SLC8A1: variants seen among roughly 807,000 people sequenced by gnomAD.
The protein encoded by SLC8A1 is sodium/calcium exchanger 1.
In SLC8A1, 18 loss-of-function variants were observed where a neutral mutation model predicts 68.3. That is an observed-to-expected ratio of 0.26 (90% CI 0.18 to 0.39). The LOEUF is 0.39. Ranked by LOEUF, SLC8A1 falls within the 10% of genes least tolerant of loss-of-function variation. SLC8A1 has a pLI of 1.00. For synonymous variants in SLC8A1, 475 were observed against 415.5 expected (o/e 1.14, Z -1.74); for missense variants, 985 against 1,156.7 (o/e 0.85, Z 2.15).
At chr2:40,184,903 A>C (rs1193178238) in intron 2 of SLC8A1, among the ~76,000 whole-genome samples, 4 of 87,600 alleles carry the variant, frequency 4.6e-5, no homozygotes, top group East Asian at 5.5e-4. Context: ...AAAAACAAAA[A>C]AAAAAAAAAA....
chr2:40,200,207 AATATATATATATTTTTTT>A lies in SLC8A1; in HGVS notation c.1809-22370_1809-22353del, dbSNP rs1558721595. Among the ~76,000 whole-genome samples, 64 of 9,288 alleles carry A rather than the reference AATATATATATATTTTTTT, an allele frequency of 6.9e-3. 9 individuals carry two copies. The highest frequency in any genetic ancestry group is 7.7e-3 in the Non-Finnish European group (43 of 5,606). 6.1% of individuals were successfully genotyped at this position (9,288 alleles called of 152,430 possible). ...ATATATATATTTATATATATATATA[AATATATATATATTTTTTT>A]ATATATATATATAAATATATATATA... On this transcript the variant is annotated intron_variant, in intron 2 of 7. Transcript: ENST00000406785.
intron 1 of SLC8A1, among the ~76,000 whole-genome samples, chr2:40,506,879 C>A (rs1346538860): frequency 6.6e-6 from 1 of 151,954 alleles, no homozygotes; most frequent in Non-Finnish European, 1.5e-5. Flanking sequence ...TTCCTCCGCA[C>A]ATGTCTGGTA....
intron 3 of SLC8A1, among the ~76,000 whole-genome samples, 175 bp from the exon 4 acceptor site, chr2:40,175,456 C>T (rs1029481299): frequency 1.3e-5 from 2 of 152,082 alleles, no homozygotes; most frequent in African/African-American, 4.8e-5. Context: ...TCTGAATAAA[C>T]AATCCCAACT....
exon 8 of SLC8A1, chr2:40,111,872 A>C (rs1287949865): frequency 6.6e-6 from 1 of 152,164 alleles, no homozygotes; most frequent in Non-Finnish European, 1.5e-5. Context: ...GCATGCTAAA[A>C]AGTTGTCTGA....
chr2:40,263,700 C>T (rs574783735), intron 2 of SLC8A1, among the ~76,000 whole-genome samples: 14 of 152,170 alleles, frequency 9.2e-5, no homozygotes, highest in South Asian at 8.3e-4. Context: ...ACACCTTATA[C>T]AAAAATTAAT....
At chr2:40,301,093 T>C (rs1321399440) in intron 2 of SLC8A1, among the ~76,000 whole-genome samples, 1 of 152,146 alleles carries the variant, frequency 6.6e-6, no homozygotes, top group Admixed American at 6.5e-5. Flanking sequence ...GGTCTTCAGC[T>C]TTGCATCTTG....
chr2:40,345,148 C>T (rs573806509), intron 2 of SLC8A1, among the ~76,000 whole-genome samples: 40 of 152,264 alleles, frequency 2.6e-4, no homozygotes, highest in South Asian at 4.1e-4. Context: ...ACTCTGCACA[C>T]GGTGGTTGCT....
intron 2 of SLC8A1, among the ~76,000 whole-genome samples, chr2:40,376,979 G>A (rs1458123886): frequency 6.6e-6 from 1 of 151,984 alleles, no homozygotes; most frequent in Non-Finnish European, 1.5e-5. Flanking sequence ...TCTTGAGTGG[G>A]AACAATACAT....
exon 8 of SLC8A1, chr2:40,111,933 T>C (rs978936089): frequency 1.3e-5 from 2 of 152,116 alleles, no homozygotes; most frequent in East Asian, 1.9e-4. Context: ...AGGATGTAGA[T>C]AGAGTCATAC....
exon 8 of SLC8A1, chr2:40,105,811 G>A (rs754090031): frequency 5.9e-5 from 9 of 152,236 alleles, no homozygotes; most frequent in Non-Finnish European, 1.0e-4. Flanking sequence ...GCTGAGCTGA[G>A]GTTGTGGTAT....
intron 4 of SLC8A1, among the ~76,000 whole-genome samples, chr2:40,167,941 C>T (rs1368148456): frequency 1.3e-5 from 2 of 152,120 alleles, no homozygotes; most frequent in Non-Finnish European, 2.9e-5. Context: ...ATCCTTGTAT[C>T]CTCTGGCACC....
At chr2:40,124,038 A>G (rs532349382) in intron 7 of SLC8A1, among the ~76,000 whole-genome samples, 2 of 152,272 alleles carry the variant, frequency 1.3e-5, no homozygotes, top group South Asian at 4.1e-4. Flanking sequence ...TCCATCTCCT[A>G]TCCAAATCTC....
chr2:40,125,871 T>G (rs2037976617), intron 7 of SLC8A1, among the ~76,000 whole-genome samples: 1 of 152,226 alleles, frequency 6.6e-6, no homozygotes, highest in African/African-American at 2.4e-5. Flanking sequence ...GACAGTTTCT[T>G]GTGGATACTT....
chr2:40,242,234 AG>A (rs1191164518), intron 2 of SLC8A1, among the ~76,000 whole-genome samples: 3 of 152,318 alleles, frequency 2.0e-5, no homozygotes, highest in African/African-American at 7.2e-5. Context: ...TTTTACCACA[AG>A]CCAGACTGAA....
chr2:40,204,308 G>T (rs1349450961), intron 2 of SLC8A1, among the ~76,000 whole-genome samples: 1 of 151,998 alleles, frequency 6.6e-6, no homozygotes, highest in Admixed American at 6.6e-5. Flanking sequence ...GAAAATTCCT[G>T]TAAGCCCCTT....
chr2:40,145,720 T>G (rs2148333808), intron 6 of SLC8A1, among the ~76,000 whole-genome samples: 1 of 152,352 alleles, frequency 6.6e-6, no homozygotes, highest in East Asian at 1.9e-4. Flanking sequence ...TTTTGTTCCC[T>G]AGTTTGCATC....
intron 2 of SLC8A1, among the ~76,000 whole-genome samples, chr2:40,311,441 C>A (rs1266616457): frequency 9.6e-6 from 1 of 104,278 alleles, no homozygotes; most frequent in Non-Finnish European, 1.7e-5. Context: ...TTGATGCATT[C>A]ATATGAGAAA....
chr2:40,237,269 C>T (rs1291856899), intron 2 of SLC8A1, among the ~76,000 whole-genome samples: 23 of 152,170 alleles, frequency 1.5e-4, no homozygotes, highest in Admixed American at 1.5e-3. Flanking sequence ...GGTCTTTTCA[C>T]ATAGTCCCAT....
intron 4 of SLC8A1, among the ~76,000 whole-genome samples, chr2:40,166,549 A>G (rs1404543046): frequency 6.6e-6 from 1 of 152,190 alleles, no homozygotes; most frequent in Non-Finnish European, 1.5e-5. Flanking sequence ...GGGCAAGGAG[A>G]TTAATTTTAA....
Sources: allele counts gnomAD v4.1 joint callset (sites outside exome capture counted in the v4.1 genomes callset), GRCh38; gene constraint gnomAD v4.1.1; transcripts MANE v1.5; gene names NCBI Gene and HGNC (gene_info 2026-07-23, HGNC 2026-07-21).